Variants in NANOG observed in about 807,000 individuals in gnomAD.
The protein encoded by NANOG is Nanog homeobox.
Under a neutral mutation model 17.7 loss-of-function variants are expected in NANOG, and 2 were observed. The ratio of observed to expected loss-of-function variants is 0.11; its 90% confidence interval spans 0.05 to 0.36. The LOEUF is 0.36. Among genes scored for constraint, NANOG ranks in the 10% least tolerant of loss-of-function variants. The probability of loss-of-function intolerance (pLI) is 1.00; values close to 1 mark genes in which losing one functional copy is unlikely to be tolerated. For synonymous variants in NANOG, 81 were observed against 124.7 expected, an observed-to-expected ratio of 0.65 and a Z score of 2.33; for missense variants, 174 against 362.1, an observed-to-expected ratio of 0.48 and a Z score of 4.22.
intron 2 of NANOG, among the ~76,000 whole-genome samples, chr12:7,793,495 C>T (rs1367732249): frequency 6.6e-6 from 1 of 152,194 alleles, no homozygotes; most frequent in South Asian, 2.1e-4. Context: ...GTATCTAACT[C>T]CACTTACCAG....
At chr12:7,791,381 G>A (rs1295818804) in intron 1 of NANOG, among the ~76,000 whole-genome samples, 1 of 152,102 alleles carries the variant, frequency 6.6e-6, no homozygotes, top group African/African-American at 2.4e-5. Context: ...ACCGCGCCTG[G>A]CCACCTTTAT....
chr12:7,790,935 G>A lies in NANOG; in HGVS notation c.151+1170G>A, dbSNP rs568324444. On this transcript the variant is annotated intron_variant, in intron 1 of 3. Transcript: ENST00000229307. ...TTAAAAAATTATTTTTGTAGAGACA[G>A]GGTCTCACTTTGCAGCTCGGGCTGG... Among the ~76,000 whole-genome samples, 43 of 152,136 alleles carry A rather than the reference G, an allele frequency of 2.8e-4. No homozygotes were observed. The South Asian group carries it at 8.5e-3, about 30-fold the overall frequency.
intron 2 of NANOG, 105 bp downstream of exon 2, chr12:7,793,317 A>C: frequency 9.4e-7 from 1 of 1,063,302 alleles, no homozygotes. Context: ...GTGTCCGTAC[A>C]TCGCCTCTTG....
chr12:7,791,968 T>C (rs1462661453), intron 1 of NANOG, among the ~76,000 whole-genome samples: 3 of 152,182 alleles, frequency 2.0e-5, no homozygotes, highest in Non-Finnish European at 2.9e-5. Context: ...ACTCTCGGCT[T>C]ACTGCAATCA....
rs758574458 is a variant in NANOG at position 7,792,957 on chromosome 12, T to G, written c.159T>G (p.Pro53=). The change falls in exon 2 of 4, where the codon CCT becomes CCG. Residue 53 remains proline, a synonymous_variant. Transcript: ENST00000229307. ...TTTATTTGTTCCCAACAGTCTCTCC[T>G]CTTCCTTCCTCCATGGATCTGCTTA... is the stretch of plus-strand genomic sequence containing the variant. The part of the protein sequence containing the change: ...AEMPHTETVS[P]LPSSMDLLIQ... 2 of 1,605,190 alleles carry G rather than the reference T, an allele frequency of 1.2e-6. No homozygotes were observed. The highest frequency in any genetic ancestry group is 3.4e-5 in the Admixed American group (2 of 58,902).
At position 7,795,818 on chromosome 12, in the gene NANOG, G is replaced by A. The variant is rs2120579371; in HGVS notation, c.*723G>A. ...ATTTTTTAAAAACTATTGAGGTAAA[G>A]GGTTAAGCTGTAACATACTTAATTG... On this transcript the variant is annotated 3_prime_UTR_variant, in exon 4 of 4. Coordinates refer to ENST00000229307, the MANE Select transcript of NANOG (RefSeq NM_024865.4). 1.4e-5 allele frequency: 2 copies of A among 147,236 alleles called. No individual in the cohort carries two copies. Among genetic ancestry groups the A allele is most frequent in the South Asian group, 4.5e-4 (2 of 4,458 alleles). The allele number at this position is 147,236 out of a possible 1,614,324, so 9.1% of individuals were successfully genotyped here.
intron 1 of NANOG, 30 bp downstream of exon 1, chr12:7,789,795 A>G: frequency 6.2e-7 from 1 of 1,606,518 alleles, no homozygotes; most frequent in Non-Finnish European, 8.5e-7. Context: ...TTGAAAGGCC[A>G]AGTTCCTTAA....
At chr12:7,792,328 T>TTAAC (rs1417561154) in intron 1 of NANOG, among the ~76,000 whole-genome samples, 5 of 152,190 alleles carry the variant, frequency 3.3e-5, no homozygotes, top group African/African-American at 1.2e-4. Context: ...TTCTGACCTA[T>TTAAC]TAACACCCAG....
intron 2 of NANOG, among the ~76,000 whole-genome samples, chr12:7,794,082 C>G (rs1862882067): frequency 6.6e-6 from 1 of 152,052 alleles, no homozygotes; most frequent in Non-Finnish European, 1.5e-5. Flanking sequence ...TCATTTCTCT[C>G]TTTTTTTCTG....
chr12:7,794,366 C>T, intron 2 of NANOG, 91 bp from the exon 3 acceptor site: 1 of 1,226,990 alleles, frequency 8.2e-7, no homozygotes, highest in Non-Finnish European at 1.2e-6. Context: ...AGATATGGCA[C>T]CTGGCCAGGA....
rs1035431544 is a variant in NANOG, at chr12:7,797,134, A to G, written c.*2039A>G. 1.3e-5 allele frequency: 2 copies of G among 152,204 alleles called. No homozygotes were observed. The highest frequency in any genetic ancestry group is 4.8e-5 in the African/African-American group (2 of 41,398). The allele number at this position is 152,204 out of a possible 1,614,324, so 9.4% of individuals were successfully genotyped here. A position where few individuals can be genotyped will look rare whatever the true frequency, so the allele number is the denominator to read the frequency against. The stretch of plus-strand genomic sequence containing the variant: ...CAGTGGCACAATCTTGGCTCACTGC[A>G]ACCTCCGCCTCCTGGGTTCGAGCAA... On this transcript the variant is annotated 3_prime_UTR_variant, in exon 4 of 4. Transcript: ENST00000229307.
chr12:7,795,430 T>G lies in NANOG; in HGVS notation c.*335T>G. On this transcript the variant is annotated 3_prime_UTR_variant, in exon 4 of 4. Coordinates refer to ENST00000229307, the MANE Select transcript of NANOG (RefSeq NM_024865.4). ...TCCGTCTCCCGGGTTCACGCCATTC[T>G]CCTGCCTCAGCCTCCCGAGCAGCTG... 1 of 323,232 alleles carries G rather than the reference T, an allele frequency of 3.1e-6. No homozygotes were observed. The highest frequency in any genetic ancestry group is 7.8e-5 in the East Asian group (1 of 12,876). 20.0% of individuals were successfully genotyped at this position (323,232 alleles called of 1,614,324 possible). A position where few individuals can be genotyped will look rare whatever the true frequency, so the allele number is the denominator to read the frequency against.
In NANOG at chr12:7,797,524, A is replaced by G. The variant is rs959227242; in HGVS notation, c.*2429A>G. On this transcript the variant is annotated 3_prime_UTR_variant, in exon 4 of 4. Transcript: ENST00000229307. Reference sequence around the variant, plus strand: ...AGGGATTTGCCACTATGCCCAGCTAATTCTTTGTATTTAGTAGAGATGGGG... The same window carrying G: ...AGGGATTTGCCACTATGCCCAGCTAGTTCTTTGTATTTAGTAGAGATGGGG... 2 of 147,964 alleles carry G rather than the reference A, an allele frequency of 1.4e-5. No homozygotes were observed. The highest frequency in any genetic ancestry group is 1.3e-4 in the Admixed American group (2 of 14,836). 9.2% of individuals were successfully genotyped at this position (147,964 alleles called of 1,614,324 possible).
rs1295204541 is a variant in NANOG, at chr12:7,795,252, T to C, written c.*157T>C. 2.6e-5 allele frequency: 16 copies of C among 613,950 alleles called. No homozygotes were observed. The highest frequency in any genetic ancestry group is 4.3e-5 in the Non-Finnish European group (15 of 348,306). 38.0% of individuals were successfully genotyped at this position (613,950 alleles called of 1,614,324 possible). On this transcript the variant is annotated 3_prime_UTR_variant, in exon 4 of 4. Transcript: ENST00000229307. ...AGTCAATCTCATGGAGGGTGGAGTA[T>C]GGTTGGAGCCTAATCAGCGAGGTTT...
rs1862868530 is a variant in NANOG at position 7,793,270 on chromosome 12, T to C, written c.414+58T>C. On this transcript the variant is annotated intron_variant, in intron 2 of 3. Coordinates refer to ENST00000229307, the MANE Select transcript of NANOG (RefSeq NM_024865.4). ...CAAAAATTGGACTAATTTGCATGGC[T>C]AAGACCTCTGTGGATGCATGTAGAT... 3.2e-6 allele frequency: 5 copies of C among 1,558,134 alleles called. No homozygotes were observed. The East Asian group carries it at 9.0e-5, about 28-fold the overall frequency.
Position 7,794,705 on chromosome 12 carries a change from C to T in NANOG, c.528C>T (p.Ser176=), listed in dbSNP as rs148350742. The T allele has an allele frequency of 1.2e-6, 2 of 1,600,640 alleles. No individual in the cohort carries two copies. Among genetic ancestry groups the T allele is most frequent in the East Asian group, 4.5e-5 (2 of 44,882 alleles). Reference sequence around the variant, plus strand: ...AGGCCTCAGCACCTACCTACCCCAGCCTTTACTCTTCCTACCACCAGGGAT... The same window carrying T: ...AGGCCTCAGCACCTACCTACCCCAGTCTTTACTCTTCCTACCACCAGGGAT... ...TQKASAPTYP[S]LYSSYHQGCL... is the part of the protein sequence containing the mutation. Residue 176 remains serine, a synonymous_variant, in exon 4 of 4, where the codon AGC becomes AGT. Coordinates refer to ENST00000229307, the MANE Select transcript of NANOG (RefSeq NM_024865.4).
At chr12:7,790,032 C>G (rs1412795655) in intron 1 of NANOG, among the ~76,000 whole-genome samples, 3 of 152,132 alleles carry the variant, frequency 2.0e-5, no homozygotes, top group Non-Finnish European at 2.9e-5. Flanking sequence ...GTTTGAGAAC[C>G]TATGGGCTTA....
chr12:7,799,000 T>G lies in NANOG; in HGVS notation c.*3905T>G, dbSNP rs886703610. 6.6e-6 allele frequency: 1 copy of G among 150,848 alleles called. No homozygotes were observed. Among genetic ancestry groups the G allele is most frequent in the Non-Finnish European group, 1.5e-5 (1 of 67,844 alleles). The allele number at this position is 150,848 out of a possible 1,614,324, so 9.3% of individuals were successfully genotyped here. On this transcript the variant is annotated 3_prime_UTR_variant, in exon 4 of 4. Coordinates refer to ENST00000229307, the MANE Select transcript of NANOG (RefSeq NM_024865.4). Reference sequence around the variant, plus strand: ...GACTAAGGATACCGAAATGTAGGAATTTGAATGGGTTCCTGGGTGTGAGGT... The same window carrying G: ...GACTAAGGATACCGAAATGTAGGAAGTTGAATGGGTTCCTGGGTGTGAGGT...
At chr12:7,792,770 T>A (rs1862859617) in intron 1 of NANOG, among the ~76,000 whole-genome samples, 180 bp from the exon 2 acceptor site, 3 of 152,134 alleles carry the variant, frequency 2.0e-5, no homozygotes, top group Admixed American at 6.5e-5. Flanking sequence ...TGATAAGACT[T>A]CTTGGAGTAA....
Sources: gnomAD v4.1 joint callset for allele counts (sites outside exome capture counted in the v4.1 genomes callset) on GRCh38, gnomAD v4.1.1 for gene constraint, MANE v1.5 for transcripts, NCBI Gene and HGNC (gene_info 2026-07-23, HGNC 2026-07-21) for gene names.